CBX1: variants seen among roughly 807,000 people sequenced by gnomAD.
CBX1 encodes the protein chromobox protein homolog 1.
A neutral mutation model predicts 25.1 loss-of-function variants in CBX1; 10 were observed. The observed-to-expected ratio is 0.40, with a 90% CI of 0.25 to 0.68. CBX1 has a LOEUF of 0.68. CBX1 is among the 30% of genes least tolerant of loss of function. The probability of loss-of-function intolerance (pLI) is 0.40; values close to 1 mark genes in which losing one functional copy is unlikely to be tolerated. For synonymous variants in CBX1, 63 were observed against 79.4 expected, an observed-to-expected ratio of 0.79 and a Z score of 1.10; for missense variants, 106 against 218.5, an observed-to-expected ratio of 0.49 and a Z score of 3.25.
In CBX1 at chr17:48,096,274, A is replaced by G. The variant is rs926743187; in HGVS notation, c.-38+4994T>C. On this transcript the variant is annotated intron_variant, in intron 1 of 4. Coordinates refer to ENST00000225603, the MANE Select transcript of CBX1 (RefSeq NM_001127228.2). ...GAATACATTTTGAATTTTATCTGAG[A>G]TGTGTTCTGAAACTTGGAAAACCCC... 8 of 742,808 alleles carry G rather than the reference A, an allele frequency of 1.1e-5. No homozygotes were observed. In the African/African-American group the frequency reaches 1.5e-4, roughly 14 times the overall value. 46.0% of individuals were successfully genotyped at this position (742,808 alleles called of 1,614,324 possible). A position where few individuals can be genotyped will look rare whatever the true frequency, so the allele number is the denominator to read the frequency against.
chr17:48,086,723 C>CGT (rs1299674135), intron 1 of CBX1, among the ~76,000 whole-genome samples: 1 of 150,672 alleles, frequency 6.6e-6, no homozygotes, highest in Non-Finnish European at 1.5e-5. Flanking sequence ...TGGGCGTGGT[C>CGT]GTGCACATCT....
chr17:48,100,585 G>A (rs2063403259), intron 1 of CBX1: 1 of 349,476 alleles, frequency 2.9e-6, no homozygotes, highest in Non-Finnish European at 4.0e-6. Context: ...AGGGCGGCCT[G>A]CTTTCCCCTT....
intron 1 of CBX1, chr17:48,088,088 A>T (rs1598311855): frequency 6.6e-6 from 1 of 152,046 alleles, no homozygotes; most frequent in Admixed American, 6.6e-5. Context: ...AGGCGGGCGG[A>T]TCACAAGGTC....
At chr17:48,091,738 T>A (rs958037938) in intron 1 of CBX1, among the ~76,000 whole-genome samples, 4 of 151,478 alleles carry the variant, frequency 2.6e-5, no homozygotes, top group Non-Finnish European at 5.9e-5. Flanking sequence ...AGACGGGGTT[T>A]TACCATGTTG....
Position 48,070,271 on chromosome 17 carries a change from G to GT in CBX1, c.*1163dup, listed in dbSNP as rs2037612883. 6.6e-6 allele frequency: 1 copy of GT among 152,620 alleles called. No homozygotes were observed. The highest frequency in any genetic ancestry group is 2.4e-5 in the African/African-American group (1 of 41,456). 9.5% of individuals were successfully genotyped at this position (152,620 alleles called of 1,614,324 possible). A position where few individuals can be genotyped will look rare whatever the true frequency, so the allele number is the denominator to read the frequency against. ...ACTTATTAGGATTTCTTAAAAAATT[G>GT]TTTTGTGTGTGTATGTGTGTGTTTT... On this transcript the variant is annotated 3_prime_UTR_variant, in exon 5 of 5. Transcript: ENST00000225603.
intron 1 of CBX1, among the ~76,000 whole-genome samples, chr17:48,091,509 G>T (rs1567769093): frequency 6.7e-6 from 1 of 150,070 alleles, no homozygotes; most frequent in Non-Finnish European, 1.5e-5. Flanking sequence ...CAAGTAGCTG[G>T]GATTACAGGT....
intron 1 of CBX1, among the ~76,000 whole-genome samples, chr17:48,078,692 G>C (rs1213584220): frequency 6.6e-6 from 1 of 151,050 alleles, no homozygotes; most frequent in Non-Finnish European, 1.5e-5. Flanking sequence ...GTTTAACCAC[G>C]TTGGCCAGGC....
chr17:48,079,831 C>T (rs2037714295), intron 1 of CBX1, among the ~76,000 whole-genome samples: 1 of 152,018 alleles, frequency 6.6e-6, no homozygotes, highest in African/African-American at 2.4e-5. Context: ...CATAAAAATG[C>T]CAGAATGATC....
chr17:48,070,614 G>A lies in CBX1; in HGVS notation c.*821C>T, dbSNP rs1224523087. On this transcript the variant is annotated 3_prime_UTR_variant, in exon 5 of 5. Transcript: ENST00000225603. Reference sequence around the variant, plus strand: ...GGAAAAGAAAGGGTCTTCTAATTTCGGGAATTAGCACCTCTAAGGCAGAAT... The same window carrying A: ...GGAAAAGAAAGGGTCTTCTAATTTCAGGAATTAGCACCTCTAAGGCAGAAT... 2.0e-5 allele frequency: 3 copies of A among 152,556 alleles called. No individual in the cohort carries two copies. The highest frequency in any genetic ancestry group is 2.1e-4 in the South Asian group (1 of 4,826). 9.5% of individuals were successfully genotyped at this position (152,556 alleles called of 1,614,324 possible).
At chr17:48,074,243 A>G (rs771982414) in intron 4 of CBX1, among the ~76,000 whole-genome samples, 29 of 152,140 alleles carry the variant, frequency 1.9e-4, no homozygotes, top group Non-Finnish European at 3.8e-4. Flanking sequence ...TGTGTGTTTT[A>G]AAGGACAAAG....
intron 1 of CBX1, among the ~76,000 whole-genome samples, chr17:48,078,678 C>CG (rs2037701320): frequency 6.6e-6 from 1 of 151,048 alleles, no homozygotes; most frequent in Non-Finnish European, 1.5e-5. Flanking sequence ...TTAGAAGAGA[C>CG]GGGGTTTAAC....
chr17:48,075,960 T>G, intron 3 of CBX1, 41 bp downstream of exon 3: 2 of 1,455,630 alleles, frequency 1.4e-6, no homozygotes, highest in Non-Finnish European at 1.9e-6. Context: ...TGACAGTAGT[T>G]TGAATTGTGG....
intron 1 of CBX1, among the ~76,000 whole-genome samples, chr17:48,086,674 G>A (rs1484790654): frequency 6.6e-6 from 1 of 151,908 alleles, no homozygotes; most frequent in Non-Finnish European, 1.5e-5. Context: ...TGGCCAACAT[G>A]GTGAAACCCT....
At position 48,082,434 on chromosome 17, in the gene CBX1, G is replaced by A. The variant is rs988679131; in HGVS notation, c.-37-5393C>T. On this transcript the variant is annotated intron_variant, in intron 1 of 4. Transcript: ENST00000225603. Reference sequence around the variant, plus strand: ...GGAGAATGGCGTGAACTCGGGTAGCGGAGCTTGCAGTGAGCCGAGATCATG... The same window carrying A: ...GGAGAATGGCGTGAACTCGGGTAGCAGAGCTTGCAGTGAGCCGAGATCATG... 6.8e-5 allele frequency among the ~76,000 whole-genome samples: 10 copies of A among 146,216 alleles called. No homozygotes were observed. The East Asian group carries it at 1.2e-3, about 18-fold the overall frequency.
intron 1 of CBX1, among the ~76,000 whole-genome samples, chr17:48,090,450 C>T (rs2063338421): frequency 1.3e-5 from 2 of 151,852 alleles, no homozygotes; most frequent in South Asian, 4.2e-4. Flanking sequence ...CCTCCATATC[C>T]AGTCTCTCAC....
intron 4 of CBX1, among the ~76,000 whole-genome samples, chr17:48,072,042 C>G (rs58595405): frequency 0.27 from 40,634 of 149,912 alleles, 6,232 homozygotes; most frequent in African/African-American, 0.42. Context: ...TGTTGCCCAG[C>G]CTGGAGTGCA....
Position 48,082,204 on chromosome 17 carries a change from T to TA in CBX1, c.-37-5164dup, listed in dbSNP as rs891451381. Among the ~76,000 whole-genome samples, 15 of 151,736 alleles carry TA rather than the reference T, an allele frequency of 9.9e-5. 1 individual carries two copies. Among genetic ancestry groups the TA allele is most frequent in the Admixed American group, 3.3e-4 (5 of 15,192 alleles). ...CTGGGTGAGGAAGCAAGACTGTCTTTAAAAAAATGATAAAGAGGCTGGGCG... is the reference window on the plus strand; with the variant it reads ...CTGGGTGAGGAAGCAAGACTGTCTTTAAAAAAAATGATAAAGAGGCTGGGCG... On this transcript the variant is annotated intron_variant, in intron 1 of 4. Coordinates refer to ENST00000225603, the MANE Select transcript of CBX1 (RefSeq NM_001127228.2).
intron 2 of CBX1, 85 bp downstream of exon 2, chr17:48,076,780 C>T (rs186189883): frequency 8.1e-7 from 1 of 1,227,872 alleles, no homozygotes; most frequent in Admixed American, 2.2e-5. Context: ...CACACTGTAT[C>T]CATCATAGCA....
chr17:48,089,637 T>A (rs12951319), intron 1 of CBX1, among the ~76,000 whole-genome samples: 104,081 of 104,204 alleles, frequency 1, 51,979 homozygotes, highest in Middle Eastern at 1. Flanking sequence ...CAGCTTGACC[T>A]ACATGGTGAG....
Sources: gnomAD v4.1 joint callset for allele counts (sites outside exome capture counted in the v4.1 genomes callset) on GRCh38, gnomAD v4.1.1 for gene constraint, MANE v1.5 for transcripts, NCBI Gene and HGNC (gene_info 2026-07-23, HGNC 2026-07-21) for gene names.